The following PLOD1 variants were observed in gnomAD, a reference collection of about 807,000 sequenced individuals.
PLOD1 encodes the protein lysine hydroxylase.
PLOD1 carries 70 observed loss-of-function variants against 94.7 expected under a neutral mutation model. The ratio of observed to expected loss-of-function variants is 0.74; its 90% CI spans 0.61 to 0.90. The LOEUF (loss-of-function observed/expected upper bound fraction) is 0.90, where lower values mean the gene tolerates loss of function less well. Among genes scored for constraint, PLOD1 ranks in the 40% least tolerant of loss-of-function variants. The probability of loss-of-function intolerance (pLI) is 0.00; values close to 1 mark genes in which losing one functional copy is unlikely to be tolerated. For synonymous variants in PLOD1, 417 were observed against 400.2 expected (o/e 1.04, Z -0.50); for missense variants, 905 against 972.7 (o/e 0.93, Z 0.93).
rs923780490 is a variant in PLOD1 at position 11,934,734 on chromosome 1, C to G, written c.-46C>G. On this transcript the variant is annotated 5_prime_UTR_variant, in exon 1 of 19. Transcript: ENST00000196061. ...GCGGCCCCGTCGCGAAGTTTCCAGC[C>G]CTGCGAGCGCCGCCGGGTCGGCCGA... is the stretch of plus-strand genomic sequence containing the variant. The G allele has an allele frequency of 7.1e-5, 108 of 1,517,680 alleles. No homozygotes were observed. Among genetic ancestry groups the G allele is most frequent in the Non-Finnish European group, 8.4e-5 (96 of 1,139,818 alleles). The allele number at this position is 1,517,680 out of a possible 1,614,324, so 94.0% of individuals were successfully genotyped here. A position where few individuals can be genotyped will look rare whatever the true frequency, so the allele number is the denominator to read the frequency against.
At chr1:11,970,207 C>T (rs761727235) in intron 16 of PLOD1, among the ~76,000 whole-genome samples, 3 of 151,572 alleles carry the variant, frequency 2.0e-5, no homozygotes, top group East Asian at 1.9e-4. Flanking sequence ...GCTGAAATGA[C>T]GCCATTGCAC....
chr1:11,974,610 G>A (rs1263102274), intron 18 of PLOD1, 43 bp from the exon 19 acceptor site: 1 of 1,586,538 alleles, frequency 6.3e-7, no homozygotes, highest in South Asian at 1.1e-5. Flanking sequence ...CAGACGGGCA[G>A]GGGGGCGGTG....
rs1009510539 is a variant in PLOD1, at chr1:11,958,253, G to A, written c.844-263G>A. Reference sequence around the variant, plus strand: ...ATTTATGACTCACCTCGAACACCACGCCAGCCACGATCTCCTGACAGCAGG... The same window carrying A: ...ATTTATGACTCACCTCGAACACCACACCAGCCACGATCTCCTGACAGCAGG... On this transcript the variant is annotated intron_variant, in intron 8 of 18. Transcript: ENST00000196061. The surrounding 1 kb of genome is among the most constrained non-coding windows in gnomAD (Gnocchi z 4.3). Among the ~76,000 whole-genome samples, 9 of 151,746 alleles carry A rather than the reference G, an allele frequency of 5.9e-5. No homozygotes were observed. Among genetic ancestry groups the A allele is most frequent in the African/African-American group, 1.9e-4 (8 of 41,260 alleles).
chr1:11,954,644 C>T (rs771194275), intron 5 of PLOD1, 186 bp from the exon 6 acceptor site: 2 of 771,926 alleles, frequency 2.6e-6, no homozygotes, highest in Non-Finnish European at 4.8e-6. Flanking sequence ...AGCCACTAGA[C>T]TGTAGACCCC....
In PLOD1 at chr1:11,935,902, C is replaced by T. The variant is rs974700707; in HGVS notation, c.76+1047C>T. Among the ~76,000 whole-genome samples the T allele has an allele frequency of 3.3e-5, 5 of 151,962 alleles. No individual in the cohort carries two copies. The East Asian group carries it at 5.8e-4, about 18-fold the overall frequency. On this transcript the variant is annotated intron_variant, in intron 1 of 18. Coordinates refer to ENST00000196061, the MANE Select transcript of PLOD1 (RefSeq NM_000302.4). ...CCTCCCAAAATGTTTGGATTACAGG[C>T]GTGAGCCATCGCGCCCGGCCGGTTC...
intron 13 of PLOD1, 150 bp downstream of exon 13, chr1:11,964,935 G>T: frequency 1.2e-6 from 1 of 840,478 alleles, no homozygotes. Context: ...AGCCACCAGG[G>T]CCTGCTGGAG....
At chr1:11,960,799 CA>C in intron 10 of PLOD1, 32 bp downstream of exon 10, 1 of 1,611,116 alleles carries the variant, frequency 6.2e-7, no homozygotes, top group Non-Finnish European at 8.5e-7. Context: ...TCTCCACTGA[CA>C]GTGGGGGCAG....
At chr1:11,951,332 G>A (rs1253442005) in intron 4 of PLOD1, among the ~76,000 whole-genome samples, 2 of 151,740 alleles carry the variant, frequency 1.3e-5, no homozygotes, top group Admixed American at 6.6e-5. Context: ...TTGGGAAGCC[G>A]AGGTGGGAGG....
chr1:11,966,402 G>T, intron 15 of PLOD1, 86 bp downstream of exon 15: 2 of 931,956 alleles, frequency 2.1e-6, no homozygotes, highest in Non-Finnish European at 1.7e-6. Context: ...CCTGGGGAGT[G>T]GGGGACAGCA....
At position 11,948,029 on chromosome 1, in the gene PLOD1, T is replaced by A. The variant is rs1238058878; in HGVS notation, c.130T>A (p.Phe44Ile). 1 of 1,613,982 alleles carries A rather than the reference T, an allele frequency of 6.2e-7. No homozygotes were observed. Residue 44 changes from phenylalanine (F) to isoleucine (I), a missense_variant, in exon 2 of 19, where the codon TTC (phenylalanine) becomes ATC (isoleucine). By Grantham distance (21) the Phe-to-Ile change is conservative. Transcript: ENST00000196061. ...ATKETEGFRR[F>I]KRSAQFFNYK... ...TAAGGAGACCGAGGGATTCCGTCGCTTCAAGCGCTCAGCTCAGTTCTTCAA... is the reference window on the plus strand; with the variant it reads ...TAAGGAGACCGAGGGATTCCGTCGCATCAAGCGCTCAGCTCAGTTCTTCAA...
intron 1 of PLOD1, among the ~76,000 whole-genome samples, chr1:11,937,343 G>T (rs1048390222): frequency 1.3e-5 from 2 of 152,200 alleles, no homozygotes; most frequent in Non-Finnish European, 2.9e-5. Context: ...TCAGCTCAAT[G>T]CCTGGCCCAT....
At chr1:11,950,310 C>G in intron 3 of PLOD1, 47 bp from the exon 4 acceptor site, 1 of 1,597,024 alleles carries the variant, frequency 6.3e-7, no homozygotes, top group Non-Finnish European at 8.6e-7. Flanking sequence ...TCACTGGGCC[C>G]CTGCTCACCC....
chr1:11,972,812 C>T lies in PLOD1; in HGVS notation c.1903-60C>T. 6.2e-7 allele frequency: 1 copy of T among 1,606,600 alleles called. No homozygotes were observed. The highest frequency in any genetic ancestry group is 8.5e-7 in the Non-Finnish European group (1 of 1,173,622). ...AGGCCCCATGTGTGCACCCTCCTCT[C>T]CTGGCCTTTGTGTCCTCCTTAACTA... On this transcript the variant is annotated intron_variant, in intron 17 of 18. Transcript: ENST00000196061. The surrounding 1 kb of genome is among the most constrained non-coding windows in gnomAD (Gnocchi z 4.6).
At position 11,934,775 on chromosome 1, in the gene PLOD1, C is replaced by T. The variant is rs1373695454; in HGVS notation, c.-5C>T. On this transcript the variant is annotated 5_prime_UTR_variant, in exon 1 of 19. Transcript: ENST00000196061. ...GGTCGGCCGATCGTCCCCCATACCTCGGCCATGCGGCCCCTGCTGCTACTG... is the reference window on the plus strand; with the variant it reads ...GGTCGGCCGATCGTCCCCCATACCTTGGCCATGCGGCCCCTGCTGCTACTG... 6.5e-7 allele frequency: 1 copy of T among 1,535,950 alleles called. No individual in the cohort carries two copies. The highest frequency in any genetic ancestry group is 8.7e-7 in the Non-Finnish European group (1 of 1,144,434).
Position 11,947,970 on chromosome 1 carries a change from C to T in PLOD1, c.77-6C>T. On this transcript the variant is annotated splice_region_variant and splice_polypyrimidine_tract_variant and intron_variant, in intron 1 of 18. Coordinates refer to ENST00000196061, the MANE Select transcript of PLOD1 (RefSeq NM_000302.4). ...TCCCATTCACCATACCCTCCTCTGT[C>T]TGCAGACAACCTTTTAGTCCTCACG... 1.3e-6 allele frequency: 2 copies of T among 1,597,912 alleles called. No individual in the cohort carries two copies. The highest frequency in any genetic ancestry group is 1.7e-6 in the Non-Finnish European group (2 of 1,165,246).
chr1:11,950,462 C>G lies in PLOD1; in HGVS notation c.408C>G (p.Arg136=). The change falls in exon 4 of 19, where the codon CGC becomes CGG. Residue 136 remains arginine (R), a synonymous_variant. Coordinates refer to ENST00000196061, the MANE Select transcript of PLOD1 (RefSeq NM_000302.4). ...CTGAGGAGCTCATCTACCCAGACCG[C>G]AGGCTGGAGACCAAGTATCCGGTGG... ...FSAEELIYPD[R]RLETKYPVVS... 6.2e-7 allele frequency: 1 copy of G among 1,614,144 alleles called. No homozygotes were observed. The highest frequency in any genetic ancestry group is 1.1e-5 in the South Asian group (1 of 91,084).
intron 1 of PLOD1, among the ~76,000 whole-genome samples, chr1:11,937,017 T>C (rs1645584087): frequency 6.6e-6 from 1 of 151,796 alleles, no homozygotes; most frequent in South Asian, 2.1e-4. Flanking sequence ...TCAGCTAATG[T>C]TTGTATTTTT....
chr1:11,952,509 G>T, intron 4 of PLOD1, 114 bp from the exon 5 acceptor site: 1 of 777,882 alleles, frequency 1.3e-6, no homozygotes, highest in South Asian at 1.4e-5. Context: ...AGAGGTGACA[G>T]GGTTTGTGGG....
chr1:11,953,032 G>A (rs1281084046), intron 5 of PLOD1, among the ~76,000 whole-genome samples: 1 of 152,060 alleles, frequency 6.6e-6, no homozygotes, highest in African/African-American at 2.4e-5. Context: ...GAGCTCACTG[G>A]GGCCTCATTG....
Sources: gnomAD v4.1 joint callset for allele counts (sites outside exome capture counted in the v4.1 genomes callset) on GRCh38, gnomAD v4.1.1 for gene constraint, Gnocchi (gnomAD v3.1) non-coding constraint, MANE v1.5 for transcripts, NCBI Gene and HGNC (gene_info 2026-07-23, HGNC 2026-07-21) for gene names.